The following PTPRS variants were observed in gnomAD, a reference collection of about 807,000 sequenced individuals.
PTPRS encodes the protein receptor-type tyrosine-protein phosphatase S.
PTPRS carries 63 observed loss-of-function variants against 215.3 expected under a neutral mutation model. The ratio of observed to expected loss-of-function variants is 0.29; its 90% CI spans 0.24 to 0.36. The LOEUF is 0.36. PTPRS is among the 10% of genes least tolerant of loss of function. The pLI is 1.00. For missense variants in PTPRS, 2,258 were observed against 2,825.8 expected, an observed-to-expected ratio of 0.80 and a Z score of 4.56; for synonymous variants, 1,404 against 1,191.4, an observed-to-expected ratio of 1.18 and a Z score of -3.68.
intron 21 of PTPRS, 23 bp downstream of exon 21, chr19:5,220,237 C>G (rs541465756): frequency 6.2e-7 from 1 of 1,611,122 alleles, no homozygotes; most frequent in African/African-American, 1.3e-5. Flanking sequence ...CTGGGCCCTG[C>G]GGGTTGGGCC....
Position 5,286,231 on chromosome 19 carries a change from A to C in PTPRS, c.-91T>G. The stretch of plus-strand genomic sequence containing the variant: ...CTCGAGCCGAGCGTCAGATGGGGCA[A>C]CGTCTGCAGAGACAATGGAGGGCTG... On this transcript the variant is annotated 5_prime_UTR_variant, in exon 2 of 38. Coordinates refer to ENST00000262963, the MANE Select transcript of PTPRS (RefSeq NM_002850.4). 7.2e-7 allele frequency: 1 copy of C among 1,394,686 alleles called. No homozygotes were observed. The highest frequency in any genetic ancestry group is 1.0e-6 in the Non-Finnish European group (1 of 1,004,472). 86.4% of individuals were successfully genotyped at this position (1,394,686 alleles called of 1,614,324 possible). A position where few individuals can be genotyped will look rare whatever the true frequency, so the allele number is the denominator to read the frequency against.
At chr19:5,243,431 C>T (rs572406440) in intron 11 of PTPRS, among the ~76,000 whole-genome samples, 11 of 152,120 alleles carry the variant, frequency 7.2e-5, no homozygotes, top group East Asian at 3.9e-4. Flanking sequence ...CCACCGCCTC[C>T]GGCCTAGCTC....
At chr19:5,223,391 T>C in intron 17 of PTPRS, 94 bp from the exon 18 acceptor site, 11 of 1,307,284 alleles carry the variant, frequency 8.4e-6, no homozygotes, top group Non-Finnish European at 1.1e-5. Context: ...TTTCCTTCAA[T>C]ATAACATTTT....
At chr19:5,328,533 C>G (rs1385102188) in intron 1 of PTPRS, among the ~76,000 whole-genome samples, 1 of 152,166 alleles carries the variant, frequency 6.6e-6, no homozygotes, top group African/African-American at 2.4e-5. Context: ...CCACCGCGCC[C>G]GGCCCTTACC....
chr19:5,223,263 G>C lies in PTPRS; in HGVS notation c.2529C>G (p.Thr843=), dbSNP rs756222796. The part of the protein sequence containing the change: ...LGRPTLSVQQ[T]PEGSLLARWE... ...AGCGTGCCAGCAGGCTGCCCTCGGG[G>C]GTCTGCTGCACCGACAGGGTTGGGC... The change falls in exon 18 of 38, where the codon ACC becomes ACG. Residue 843 remains threonine, a synonymous_variant. Coordinates refer to ENST00000262963, the MANE Select transcript of PTPRS (RefSeq NM_002850.4). The C allele has an allele frequency of 4.9e-5, 72 of 1,476,356 alleles. No homozygotes were observed. In the Middle Eastern group the frequency reaches 1.5e-3, roughly 30 times the overall value. 91.5% of individuals were successfully genotyped at this position (1,476,356 alleles called of 1,614,324 possible). A position where few individuals can be genotyped will look rare whatever the true frequency, so the allele number is the denominator to read the frequency against.
rs373100914 is a variant in PTPRS, at chr19:5,316,379, G to C, written c.-95+24285C>G. Among the ~76,000 whole-genome samples, 5 of 151,788 alleles carry C rather than the reference G, an allele frequency of 3.3e-5. No individual in the cohort carries two copies. In the East Asian group the frequency reaches 7.7e-4, roughly 23 times the overall value. On this transcript the variant is annotated intron_variant, in intron 1 of 37. Transcript: ENST00000262963. ...GCCTCTTGCCCCAGATTTGCTGATT[G>C]GGTTTTTTTTTCTTTCTTTCTTTTT...
At chr19:5,218,867 C>T in intron 23 of PTPRS, 69 bp from the exon 24 acceptor site, 6 of 1,492,556 alleles carry the variant, frequency 4.0e-6, no homozygotes, top group Non-Finnish European at 5.5e-6. Flanking sequence ...TGCCGGCCAT[C>T]AAGGGCTTGT....
At chr19:5,246,571 G>A (rs910314065) in intron 9 of PTPRS, among the ~76,000 whole-genome samples, 7 of 152,180 alleles carry the variant, frequency 4.6e-5, no homozygotes, top group African/African-American at 1.4e-4. Context: ...GCCAAGTTTC[G>A]GGATGTGAGT....
intron 19 of PTPRS, among the ~76,000 whole-genome samples, chr19:5,221,653 C>G (rs1167784876): frequency 6.6e-6 from 1 of 152,132 alleles, no homozygotes; most frequent in Non-Finnish European, 1.5e-5. Flanking sequence ...TAGACTGATT[C>G]CTGATCTCAG....
chr19:5,266,286 A>T (rs936849454), intron 4 of PTPRS, among the ~76,000 whole-genome samples: 2 of 151,922 alleles, frequency 1.3e-5, no homozygotes, highest in African/African-American at 2.4e-5. Flanking sequence ...AAATAAAAAT[A>T]AAATAAATAA....
chr19:5,324,947 G>A (rs1295089825), intron 1 of PTPRS, among the ~76,000 whole-genome samples: 1 of 152,166 alleles, frequency 6.6e-6, no homozygotes, highest in African/African-American at 2.4e-5. Context: ...GGTGTCCCAA[G>A]GTTCATGTTC....
chr19:5,272,560 T>C (rs186170563), intron 4 of PTPRS, among the ~76,000 whole-genome samples: 2 of 123,926 alleles, frequency 1.6e-5, no homozygotes, highest in Admixed American at 2.2e-4. Context: ...ATAATGCCAC[T>C]GTACTCTGGC....
chr19:5,208,431 G>A, intron 35 of PTPRS, 40 bp from the exon 36 acceptor site: 1 of 1,480,946 alleles, frequency 6.8e-7, no homozygotes, highest in South Asian at 1.4e-5. Flanking sequence ...CAGGTCAGCA[G>A]CGGCCATGGG....
In PTPRS at chr19:5,285,496, T is replaced by C. The variant is rs551374428; in HGVS notation, c.91+554A>G. ...AGGAATGGCTTTTCTATCGGCGAACTCCTATACACCCACAAAACCCCAGTC... is the reference window on the plus strand; with the variant it reads ...AGGAATGGCTTTTCTATCGGCGAACCCCTATACACCCACAAAACCCCAGTC... On this transcript the variant is annotated intron_variant, in intron 2 of 37. Transcript: ENST00000262963. Among the ~76,000 whole-genome samples the C allele has an allele frequency of 2.0e-5, 3 of 152,324 alleles. No individual in the cohort carries two copies. The South Asian group carries it at 6.2e-4, about 32-fold the overall frequency.
intron 1 of PTPRS, among the ~76,000 whole-genome samples, chr19:5,289,784 G>C (rs1047903045): frequency 1.1e-4 from 17 of 152,210 alleles, no homozygotes; most frequent in Non-Finnish European, 2.1e-4. Context: ...AAGAGCAAGG[G>C]GGCAGCACTG....
chr19:5,284,637 G>A (rs1474263274), intron 2 of PTPRS, among the ~76,000 whole-genome samples: 2 of 151,876 alleles, frequency 1.3e-5, no homozygotes, highest in Non-Finnish European at 2.9e-5. Flanking sequence ...AATGTATAGG[G>A]GCATTTACTA....
At chr19:5,300,279 A>G (rs946431248) in intron 1 of PTPRS, among the ~76,000 whole-genome samples, 1 of 151,448 alleles carries the variant, frequency 6.6e-6, no homozygotes, top group Non-Finnish European at 1.5e-5. Flanking sequence ...AAATTAAATA[A>G]AATTTAAAAT....
intron 1 of PTPRS, chr19:5,292,673 T>C (rs1053936013): frequency 1.3e-5 from 2 of 152,306 alleles, no homozygotes; most frequent in African/African-American, 4.8e-5. Flanking sequence ...GTAAACTTCC[T>C]GCGATTTTCG....
At chr19:5,238,420 G>A (rs142079301) in intron 13 of PTPRS, among the ~76,000 whole-genome samples, 2 of 152,126 alleles carry the variant, frequency 1.3e-5, no homozygotes, top group Admixed American at 6.5e-5. Flanking sequence ...GGGGTCTTGA[G>A]AGCCAAGGCT....
Sources: gnomAD v4.1 joint callset for allele counts (sites outside exome capture counted in the v4.1 genomes callset) on GRCh38, gnomAD v4.1.1 for gene constraint, MANE v1.5 for transcripts, NCBI Gene and HGNC (gene_info 2026-07-23, HGNC 2026-07-21) for gene names.